The following GRK3 variants were observed in gnomAD, a reference collection of about 807,000 sequenced individuals.
GRK3 encodes adrenergic, beta, receptor kinase 2.
Under a neutral mutation model 95.7 loss-of-function variants are expected in GRK3, and 54 were observed. That is an observed-to-expected ratio of 0.56 (90% confidence interval 0.45 to 0.71). The LOEUF is 0.71. GRK3 is among the 30% of genes least tolerant of loss of function. GRK3 has a pLI of 0.00. For synonymous variants in GRK3, 281 were observed against 290.8 expected (o/e 0.97, Z 0.34); for missense variants, 649 against 851.2 (o/e 0.76, Z 2.96).
intron 1 of GRK3, among the ~76,000 whole-genome samples, chr22:25,601,858 T>C (rs1427703428): frequency 6.6e-6 from 1 of 152,218 alleles, no homozygotes; most frequent in Non-Finnish European, 1.5e-5. Context: ...CATATTTGTG[T>C]TTACACAAAA....
At chr22:25,601,862 C>A (rs759153706) in intron 1 of GRK3, among the ~76,000 whole-genome samples, 4 of 152,176 alleles carry the variant, frequency 2.6e-5, no homozygotes. Flanking sequence ...TTTGTGTTTA[C>A]ACAAAAGCGA....
chr22:25,640,607 A>G (rs2084735972), intron 2 of GRK3, among the ~76,000 whole-genome samples: 1 of 152,158 alleles, frequency 6.6e-6, no homozygotes, highest in Non-Finnish European at 1.5e-5. Context: ...AAATTTTCAT[A>G]TTTCTCTTTT....
chr22:25,572,169 C>A (rs1931723629), intron 1 of GRK3, among the ~76,000 whole-genome samples: 1 of 152,080 alleles, frequency 6.6e-6, no homozygotes, highest in African/African-American at 2.4e-5. Flanking sequence ...CATCTATGTC[C>A]CTACAAAGGA....
chr22:25,672,973 C>T (rs2084995075), intron 7 of GRK3, among the ~76,000 whole-genome samples: 2 of 149,166 alleles, frequency 1.3e-5, no homozygotes, highest in Admixed American at 1.3e-4. Flanking sequence ...TCTCCCTTCT[C>T]ATAGGCTTGC....
rs772461726 is a variant in GRK3, at chr22:25,714,482, G to A, written c.1566G>A (p.Thr522=). 6.8e-6 allele frequency: 11 copies of A among 1,613,766 alleles called. No individual in the cohort carries two copies. Among genetic ancestry groups the A allele is most frequent in the Middle Eastern group, 1.6e-4 (1 of 6,084 alleles). The stretch of plus-strand genomic sequence containing the variant: ...CTGAACGCTGGCAGCAAGAAGTAAC[G>A]GAAACAGTTTATGAAGCAGTAAATG... ...VISERWQQEV[T]ETVYEAVNAD... Residue 522 remains threonine, a synonymous_variant, in exon 18 of 21, where the codon ACG becomes ACA. Transcript: ENST00000324198.
intron 1 of GRK3, among the ~76,000 whole-genome samples, chr22:25,593,327 G>A (rs886584606): frequency 5.3e-5 from 8 of 151,930 alleles, no homozygotes; most frequent in Non-Finnish European, 7.4e-5. Context: ...CCATTTCTCC[G>A]AAGACTTGCC....
Position 25,714,441 on chromosome 22 carries a change from T to C in GRK3, c.1525T>C (p.Phe509Leu), listed in dbSNP as rs1165160527. The change falls in exon 18 of 21, where the codon TTC (phenylalanine) becomes CTC (leucine). Residue 509 changes from phenylalanine (F) to leucine (L), a missense_variant. Around this residue, in one of 3 missense-constraint regions of GRK3, gnomAD observed 382 missense variants for 493.8 expected, o/e 0.77. Transcript: ENST00000324198. ...TTGCGACCAAGAACTCTACAAGAAC[T>C]TCCCTTTGGTCATCTCTGAACGCTG... ...LDCDQELYKN[F>L]PLVISERWQQ... 6.2e-7 allele frequency: 1 copy of C among 1,612,792 alleles called. No individual in the cohort carries two copies. The highest frequency in any genetic ancestry group is 2.2e-5 in the East Asian group (1 of 44,892).
chr22:25,571,844 C>T (rs1368010062), intron 1 of GRK3, among the ~76,000 whole-genome samples: 3 of 151,854 alleles, frequency 2.0e-5, no homozygotes, highest in Non-Finnish European at 4.4e-5. Flanking sequence ...ACACATGATA[C>T]CTTACTCACA....
chr22:25,596,759 C>T (rs925181322), intron 1 of GRK3, among the ~76,000 whole-genome samples: 2 of 152,216 alleles, frequency 1.3e-5, no homozygotes, highest in Non-Finnish European at 2.9e-5. Context: ...CTTACCATGG[C>T]TCAAGTGCTG....
At chr22:25,572,514 C>T (rs1253342500) in intron 1 of GRK3, among the ~76,000 whole-genome samples, 1 of 152,170 alleles carries the variant, frequency 6.6e-6, no homozygotes, top group Non-Finnish European at 1.5e-5. Context: ...CTCTCCAACA[C>T]CTGTTGTTTC....
chr22:25,595,781 CA>C (rs113221159), intron 1 of GRK3, among the ~76,000 whole-genome samples: 45 of 143,890 alleles, frequency 3.1e-4, no homozygotes, highest in East Asian at 1.0e-3. Flanking sequence ...ACTCTGTCTC[CA>C]AAAAAAAAAA....
chr22:25,603,735 A>G (rs1331719232), intron 1 of GRK3, among the ~76,000 whole-genome samples: 8 of 152,196 alleles, frequency 5.3e-5, no homozygotes, highest in Non-Finnish European at 1.0e-4. Flanking sequence ...TTCTCTGTTT[A>G]TCACTGTGGT....
At chr22:25,614,721 A>G (rs2084525111) in intron 2 of GRK3, among the ~76,000 whole-genome samples, 1 of 152,226 alleles carries the variant, frequency 6.6e-6, no homozygotes, top group South Asian at 2.1e-4. Context: ...AAAAAATGAC[A>G]TATCAACTGT....
At chr22:25,674,672 G>C in intron 8 of GRK3, 144 bp downstream of exon 8, 2 of 671,636 alleles carry the variant, frequency 3.0e-6, no homozygotes, top group Non-Finnish European at 5.0e-6. Context: ...GCTGTAGGCC[G>C]GGCGTGGTGG....
At chr22:25,607,588 A>AT (rs2084461089) in intron 2 of GRK3, among the ~76,000 whole-genome samples, 1 of 151,028 alleles carries the variant, frequency 6.6e-6, no homozygotes, top group African/African-American at 2.5e-5. Context: ...TTATTTATTT[A>AT]TTTTTTGGGA....
chr22:25,585,473 A>G (rs185970951), intron 1 of GRK3, among the ~76,000 whole-genome samples: 4 of 152,226 alleles, frequency 2.6e-5, no homozygotes, highest in Admixed American at 1.3e-4. Context: ...ACAGAGTTCA[A>G]CTGACCTCAT....
intron 1 of GRK3, among the ~76,000 whole-genome samples, chr22:25,604,152 T>A (rs2146339988): frequency 6.6e-6 from 1 of 152,282 alleles, no homozygotes; most frequent in Non-Finnish European, 1.5e-5. Context: ...TTTTCTGCAG[T>A]TGAGTTTCTG....
At chr22:25,622,510 G>A (rs965925226) in intron 2 of GRK3, among the ~76,000 whole-genome samples, 1 of 152,212 alleles carries the variant, frequency 6.6e-6, no homozygotes, top group African/African-American at 2.4e-5. Flanking sequence ...AGTGCAGTGT[G>A]TTTCAGAAAC....
chr22:25,701,831 T>C (rs2085261329), intron 13 of GRK3, among the ~76,000 whole-genome samples: 1 of 152,238 alleles, frequency 6.6e-6, no homozygotes, highest in Non-Finnish European at 1.5e-5. Context: ...AAGGTTTTCA[T>C]AAGATTTGAT....
Sources: gnomAD v4.1 joint callset for allele counts (sites outside exome capture counted in the v4.1 genomes callset) on GRCh38, gnomAD v4.1.1 for gene constraint, gnomAD v4.1.1 regional missense constraint, MANE v1.5 for transcripts, NCBI Gene and HGNC (gene_info 2026-07-23, HGNC 2026-07-21) for gene names.